Variants in TPRG1 observed in about 807,000 individuals in gnomAD.
TPRG1 encodes the protein tumor protein p63-regulated gene 1 protein.
A neutral mutation model predicts 29.3 loss-of-function variants in TPRG1; 29 were observed. The ratio of observed to expected loss-of-function variants is 0.99; its 90% CI spans 0.74 to 1.35. The LOEUF is 1.35. TPRG1 is among the 40% of genes most tolerant of loss of function. The pLI is 0.00. For synonymous variants in TPRG1, 130 were observed against 116.8 expected (o/e 1.11, Z -0.73); for missense variants, 327 against 335.0 (o/e 0.98, Z 0.19).
intron 4 of TPRG1, among the ~76,000 whole-genome samples, chr3:189,277,442 A>G (rs1487324545): frequency 6.6e-6 from 1 of 152,224 alleles, no homozygotes; most frequent in Non-Finnish European, 1.5e-5. Context: ...AATGCAGTCA[A>G]TAAGATTAAG....
At chr3:189,299,337 A>T (rs887817793) in intron 4 of TPRG1, among the ~76,000 whole-genome samples, 1 of 152,130 alleles carries the variant, frequency 6.6e-6, no homozygotes, top group African/African-American at 2.4e-5. Context: ...TTCAATATAG[A>T]TGTGACATGC....
At chr3:189,133,554 A>G (rs1723355005) in intron 3 of TPRG1, among the ~76,000 whole-genome samples, 1 of 152,070 alleles carries the variant, frequency 6.6e-6, no homozygotes. Context: ...AGCCCTGCCT[A>G]CACTTCTCTC....
chr3:189,159,863 TGTGTG>T (rs1176599191), intron 5 of TPRG1, among the ~76,000 whole-genome samples: 2 of 140,830 alleles, frequency 1.4e-5, no homozygotes, highest in East Asian at 2.2e-4. Flanking sequence ...TGTGTGTGTG[TGTGTG>T]GTGGTGGGGG....
chr3:189,223,576 T>C (rs1271432274), intron 3 of TPRG1, among the ~76,000 whole-genome samples: 1 of 152,214 alleles, frequency 6.6e-6, no homozygotes, highest in African/African-American at 2.4e-5. Flanking sequence ...GTCACAAATG[T>C]ACTTGGAAGT....
At chr3:189,141,034 C>G (rs796702735) in intron 3 of TPRG1, among the ~76,000 whole-genome samples, 1 of 152,164 alleles carries the variant, frequency 6.6e-6, no homozygotes, top group Non-Finnish European at 1.5e-5. Flanking sequence ...GTACATCAAG[C>G]TTTATAAAAT....
rs570964885 is a variant in TPRG1, at chr3:189,223,261, G to A, written c.302+7878G>A. Among the ~76,000 whole-genome samples, 21 of 152,258 alleles carry A rather than the reference G, an allele frequency of 1.4e-4. No homozygotes were observed. In the South Asian group the frequency reaches 3.1e-3, roughly 23 times the overall value. The stretch of plus-strand genomic sequence containing the variant: ...GGTCCATCCGTTGTGTCCTGCCTCC[G>A]TGTCCATGGGCCTCCAAGCAACTCA... On this transcript the variant is annotated intron_variant, in intron 3 of 5. Transcript: ENST00000345063.
At chr3:189,057,816 GTGTATATATATACACACATA>G (rs1560419008) in intron 4 of TPRG1, among the ~76,000 whole-genome samples, 4 of 137,210 alleles carry the variant, frequency 2.9e-5, no homozygotes, top group African/African-American at 5.8e-5. Flanking sequence ...ATATATATGT[GTGTATATATATACACACATA>G]TGTATGTGTG....
intron 3 of TPRG1, among the ~76,000 whole-genome samples, chr3:189,133,275 G>T (rs1382561829): frequency 6.6e-6 from 1 of 152,184 alleles, no homozygotes; most frequent in African/African-American, 2.4e-5. Context: ...GACAGGGAGA[G>T]AAGAAGTAGT....
rs897286791 is a variant in TPRG1 at position 189,232,031 on chromosome 3, T to C, written c.303-6702T>C. On this transcript the variant is annotated intron_variant, in intron 3 of 5. Transcript: ENST00000345063. ...CTTAATGTTTGTGATTTTTATTGTA[T>C]TTTTAGAACTTACAAAGCCCTTTGT... Among the ~76,000 whole-genome samples the C allele has an allele frequency of 2.0e-5, 3 of 152,080 alleles. No individual in the cohort carries two copies. The East Asian group carries it at 5.8e-4, about 29-fold the overall frequency.
chr3:189,021,629 G>A (rs9688640), intron 3 of TPRG1, among the ~76,000 whole-genome samples: 6,409 of 152,162 alleles, frequency 0.042, 457 homozygotes, highest in African/African-American at 0.15. Flanking sequence ...TTCCCTTTGA[G>A]GGTAACCTGA....
At chr3:189,127,772 T>C (rs1443720382) in intron 2 of TPRG1, among the ~76,000 whole-genome samples, 1 of 152,236 alleles carries the variant, frequency 6.6e-6, no homozygotes. Context: ...CCAGATGTTA[T>C]GGAAGAGAAA....
At chr3:189,045,784 C>A (rs755202921) in intron 4 of TPRG1, among the ~76,000 whole-genome samples, 1 of 152,192 alleles carries the variant, frequency 6.6e-6, no homozygotes, top group African/African-American at 2.4e-5. Context: ...AGCAACAAGG[C>A]CTGCAGTGGA....
chr3:189,073,599 G>A (rs572616264), intron 4 of TPRG1, among the ~76,000 whole-genome samples: 30 of 151,848 alleles, frequency 2.0e-4, no homozygotes, highest in East Asian at 3.9e-4. Flanking sequence ...TCTCATGCTC[G>A]TTGATTTAAT....
At chr3:189,007,862 A>G (rs1428253557) in intron 3 of TPRG1, among the ~76,000 whole-genome samples, 1 of 133,168 alleles carries the variant, frequency 7.5e-6, no homozygotes, top group Non-Finnish European at 1.6e-5. Context: ...TCACATGGAC[A>G]CAGGAAAGGG....
At chr3:189,288,784 A>G (rs1231277518) in intron 4 of TPRG1, among the ~76,000 whole-genome samples, 3 of 152,262 alleles carry the variant, frequency 2.0e-5, no homozygotes, top group Non-Finnish European at 4.4e-5. Context: ...GCTTGCTGCA[A>G]GGAAGAAAGA....
chr3:189,275,059 T>C (rs1053191205), intron 4 of TPRG1, among the ~76,000 whole-genome samples: 1 of 151,978 alleles, frequency 6.6e-6, no homozygotes, highest in Non-Finnish European at 1.5e-5. Context: ...AGGCACTGCA[T>C]GTATTTATGT....
At chr3:189,112,741 G>C (rs1027078618) in intron 1 of TPRG1, among the ~76,000 whole-genome samples, 5 of 152,124 alleles carry the variant, frequency 3.3e-5, no homozygotes, top group African/African-American at 1.2e-4. Flanking sequence ...CTATATCTCT[G>C]TTTTGGTACC....
intron 4 of TPRG1, among the ~76,000 whole-genome samples, chr3:189,056,946 A>G (rs1013228762): frequency 6.6e-6 from 1 of 152,184 alleles, no homozygotes; most frequent in Non-Finnish European, 1.5e-5. Context: ...TTTCCACTGT[A>G]CATCCAGTGC....
intron 4 of TPRG1, among the ~76,000 whole-genome samples, chr3:189,069,186 C>A (rs191928677): frequency 6.6e-6 from 1 of 152,280 alleles, no homozygotes; most frequent in Admixed American, 6.5e-5. Flanking sequence ...TCGCTAACTT[C>A]CCATGTGTAC....
Sources: gnomAD v4.1 joint callset for allele counts (sites outside exome capture counted in the v4.1 genomes callset) on GRCh38, gnomAD v4.1.1 for gene constraint, MANE v1.5 for transcripts, NCBI Gene and HGNC (gene_info 2026-07-23, HGNC 2026-07-21) for gene names.